The following TM9SF3 variants were observed in gnomAD, a reference collection of about 807,000 sequenced individuals.
The protein encoded by TM9SF3 is transmembrane 9 superfamily member 3.
A neutral mutation model predicts 78.6 loss-of-function variants in TM9SF3; 14 were observed. The ratio of observed to expected loss-of-function variants is 0.18; its 90% CI spans 0.12 to 0.28. The LOEUF (loss-of-function observed/expected upper bound fraction) is 0.28. Ranked by LOEUF, TM9SF3 falls within the 10% of genes least tolerant of loss-of-function variation. The pLI, the probability that TM9SF3 is intolerant of heterozygous loss-of-function variation, is 1.00. For missense variants in TM9SF3, 496 were observed against 721.9 expected (o/e 0.69, Z 3.59); for synonymous variants, 231 against 241.7 (o/e 0.96, Z 0.41).
rs546396783 is a variant in TM9SF3, at chr10:96,577,319, G to T, written c.103-490C>A. ...CTTGCGAGACTTTCACACAGCCACT[G>T]GTCAAAGTACTACAGAGGACAAGGA... On this transcript the variant is annotated intron_variant, in intron 1 of 14. Transcript: ENST00000371142. Among the ~76,000 whole-genome samples, 26 of 151,800 alleles carry T rather than the reference G, an allele frequency of 1.7e-4. No homozygotes were observed. The South Asian group carries it at 4.6e-3, about 27-fold the overall frequency.
At chr10:96,563,993 G>GA (rs548493358) in intron 3 of TM9SF3, among the ~76,000 whole-genome samples, 1 of 152,110 alleles carries the variant, frequency 6.6e-6, no homozygotes, top group African/African-American at 2.4e-5. Context: ...AGCTGTGAAT[G>GA]AAAAAACCTA....
intron 10 of TM9SF3, among the ~76,000 whole-genome samples, chr10:96,531,396 T>C (rs1043170160): frequency 6.6e-6 from 1 of 151,764 alleles, no homozygotes; most frequent in Non-Finnish European, 1.5e-5. Flanking sequence ...TACATATATA[T>C]AAAAAACCTC....
chr10:96,566,352 C>T (rs551656182), intron 2 of TM9SF3, among the ~76,000 whole-genome samples: 26 of 151,358 alleles, frequency 1.7e-4, no homozygotes, highest in African/African-American at 5.4e-4. Context: ...ATCAAAAGTT[C>T]TTAAACATAA....
At chr10:96,534,610 A>G (rs1441929691) in intron 9 of TM9SF3, among the ~76,000 whole-genome samples, 1 of 152,182 alleles carries the variant, frequency 6.6e-6, no homozygotes, top group Non-Finnish European at 1.5e-5. Context: ...AGAGAAAATG[A>G]AGAAAACATT....
intron 9 of TM9SF3, 36 bp downstream of exon 9, chr10:96,544,040 C>A (rs1433608435): frequency 6.3e-7 from 1 of 1,588,738 alleles, no homozygotes; most frequent in Non-Finnish European, 8.5e-7. Flanking sequence ...AATGTGTATA[C>A]TTTTTCAGTT....
intron 9 of TM9SF3, among the ~76,000 whole-genome samples, chr10:96,540,769 CTTTTTTTT>C (rs68126103): frequency 2.5e-4 from 13 of 51,310 alleles, no homozygotes; most frequent in African/African-American, 3.3e-4. Flanking sequence ...TATTACCTTT[CTTTTTTTT>C]TTTTTTTTTT....
intron 7 of TM9SF3, among the ~76,000 whole-genome samples, chr10:96,548,752 C>T (rs1483976124): frequency 1.4e-5 from 2 of 139,604 alleles, no homozygotes; most frequent in East Asian, 2.1e-4. Context: ...GAGCCAAGAA[C>T]GCGTCACTGC....
At chr10:96,571,864 AT>A (rs1260317966) in intron 2 of TM9SF3, among the ~76,000 whole-genome samples, 6 of 152,192 alleles carry the variant, frequency 3.9e-5, no homozygotes, top group Non-Finnish European at 7.3e-5. Flanking sequence ...GAATTCTCAA[AT>A]GGGGGAAGGG....
intron 3 of TM9SF3, 146 bp from the exon 4 acceptor site, chr10:96,562,284 C>T: frequency 4.6e-6 from 3 of 652,638 alleles, no homozygotes; most frequent in Non-Finnish European, 7.6e-6. Flanking sequence ...CTCCCTTCAC[C>T]TTCTGCCATG....
intron 5 of TM9SF3, among the ~76,000 whole-genome samples, chr10:96,556,536 T>A (rs1440903161): frequency 6.6e-6 from 1 of 152,156 alleles, no homozygotes; most frequent in Non-Finnish European, 1.5e-5. Context: ...GTACATCATA[T>A]CCCTTCCTTC....
chr10:96,574,370 T>C (rs1848472999), intron 2 of TM9SF3, among the ~76,000 whole-genome samples: 2 of 152,138 alleles, frequency 1.3e-5, no homozygotes, highest in Non-Finnish European at 2.9e-5. Flanking sequence ...AAAACTACAA[T>C]GAGCTACTAC....
At chr10:96,545,461 C>A (rs1848085824) in intron 8 of TM9SF3, among the ~76,000 whole-genome samples, 1 of 152,230 alleles carries the variant, frequency 6.6e-6, no homozygotes, top group Non-Finnish European at 1.5e-5. Context: ...CCTCTCCTTT[C>A]TAACTGATAG....
In TM9SF3 at chr10:96,550,239, A is replaced by G. The variant is rs117220555; in HGVS notation, c.959+1006T>C. Among the ~76,000 whole-genome samples, 1,356 of 152,332 alleles carry G rather than the reference A, an allele frequency of 8.9e-3. 8 individuals carry two copies. The highest frequency in any genetic ancestry group is 0.015 in the Non-Finnish European group (1,044 of 68,020). On this transcript the variant is annotated intron_variant, in intron 7 of 14. Transcript: ENST00000371142. ...CAAGCATTGACTGAATACCTTCCAC[A>G]TGCAAAGCTCCTTATGTAGGTACTT... is the stretch of plus-strand genomic sequence containing the variant.
At chr10:96,527,374 A>T in intron 13 of TM9SF3, 39 bp downstream of exon 13, 1 of 1,592,928 alleles carries the variant, frequency 6.3e-7, no homozygotes, top group Non-Finnish European at 8.6e-7. Flanking sequence ...GGACAAATTT[A>T]GTTTCCTAAA....
Position 96,565,342 on chromosome 10 carries a change from T to C in TM9SF3, c.383A>G (p.Tyr128Cys). 6.4e-7 allele frequency: 1 copy of C among 1,567,646 alleles called. No individual in the cohort carries two copies. Among genetic ancestry groups the C allele is most frequent in the Non-Finnish European group, 8.6e-7 (1 of 1,166,586 alleles). ...ATCATCTATGTACATCTGGTACCAG[T>C]AATGATTTTTTATGGCATATACAAA... ...DAFVYAIKNH[Y>C]WYQMYIDDLP... The change falls in exon 3 of 15, where the codon TAC (tyrosine) becomes TGC (cysteine). Residue 128 changes from tyrosine (Y) to cysteine (C), a missense_variant. Physicochemically the swap from Tyr to Cys is radical, Grantham distance 194. Transcript: ENST00000371142.
intron 8 of TM9SF3, among the ~76,000 whole-genome samples, chr10:96,547,070 G>A (rs559512916): frequency 1.4e-3 from 216 of 152,284 alleles, no homozygotes; most frequent in Middle Eastern, 6.8e-3. Context: ...TCAATTTCAG[G>A]TAATAGTAGT....
chr10:96,536,837 A>G (rs1326449613), intron 9 of TM9SF3, among the ~76,000 whole-genome samples: 1 of 152,226 alleles, frequency 6.6e-6, no homozygotes. Flanking sequence ...CCAGGCTGAA[A>G]TGCAGTGGCT....
chr10:96,555,110 AT>A (rs1202507730), intron 5 of TM9SF3, among the ~76,000 whole-genome samples: 5 of 150,018 alleles, frequency 3.3e-5, no homozygotes, highest in African/African-American at 1.2e-4. Context: ...AGGTTCATAT[AT>A]CACTCCTCTA....
intron 1 of TM9SF3, among the ~76,000 whole-genome samples, chr10:96,585,240 GTTT>G (rs1319485579): frequency 6.6e-6 from 1 of 151,980 alleles, no homozygotes; most frequent in Non-Finnish European, 1.5e-5. Flanking sequence ...TTTCCTAAGT[GTTT>G]TTTTAATTGG....
Sources: allele counts gnomAD v4.1 joint callset (sites outside exome capture counted in the v4.1 genomes callset), GRCh38; gene constraint gnomAD v4.1.1; transcripts MANE v1.5; gene names NCBI Gene and HGNC (gene_info 2026-07-23, HGNC 2026-07-21).